Variants in CCDC57 observed in about 807,000 individuals in gnomAD.
The protein encoded by CCDC57 is coiled-coil domain containing 57.
In CCDC57, 118 loss-of-function variants were observed where a neutral mutation model predicts 118.9. The ratio of observed to expected loss-of-function variants is 0.99; its 90% CI spans 0.86 to 1.16. CCDC57 has a LOEUF of 1.16. Ranked by LOEUF, CCDC57 falls within the 50% of genes most tolerant of loss-of-function variation. The pLI is 0.00. For missense variants in CCDC57, 1,300 were observed against 1,320.7 expected, an observed-to-expected ratio of 0.98 and a Z score of 0.24; for synonymous variants, 527 against 532.9, an observed-to-expected ratio of 0.99 and a Z score of 0.15.
At chr17:82,196,259 A>AT (rs780986401) in intron 4 of CCDC57, among the ~76,000 whole-genome samples, 20 of 152,246 alleles carry the variant, frequency 1.3e-4, no homozygotes, top group Non-Finnish European at 1.3e-4. Context: ...ACTACTTAGA[A>AT]AAGTCACCAC....
exon 20 of CCDC57, chr17:82,101,604 C>A (rs144548388): frequency 3.2e-5 from 40 of 1,255,752 alleles, no homozygotes; most frequent in East Asian, 9.6e-5. Flanking sequence ...CACACCCCCC[C>A]ACAACACGTA....
Position 82,192,566 on chromosome 17 carries a change from A to G in CCDC57, c.851+1190T>C, listed in dbSNP as rs2047802409. Among the ~76,000 whole-genome samples, 3 of 152,220 alleles carry G rather than the reference A, an allele frequency of 2.0e-5. No homozygotes were observed. Among genetic ancestry groups the G allele is most frequent in the Admixed American group, 1.3e-4 (2 of 15,286 alleles). On this transcript the variant is annotated intron_variant, in intron 7 of 19. Coordinates refer to ENST00000665763, the Ensembl canonical transcript of CCDC57. The surrounding 1 kb of genome is among the most constrained non-coding windows in gnomAD (Gnocchi z 4.0). ...GAAACAGTGTTTGTCCAGCTTCATC[A>G]TGGCCACACGGTGCAGCTAAGCAAG...
At chr17:82,178,445 G>T in intron 11 of CCDC57, 29 bp downstream of exon 10, 1 of 1,570,458 alleles carries the variant, frequency 6.4e-7, no homozygotes, top group Non-Finnish European at 8.6e-7. Flanking sequence ...GTTGAGCAAA[G>T]TTTCAAAGAG....
At chr17:82,140,940 G>T (rs1466140438) in intron 16 of CCDC57, among the ~76,000 whole-genome samples, 2 of 151,810 alleles carry the variant, frequency 1.3e-5, no homozygotes, top group African/African-American at 4.8e-5. Context: ...TCTTGGCTTG[G>T]TTTTCTAGCC....
At chr17:82,175,421 A>C (rs1236715772) in intron 11 of CCDC57, 1 of 152,298 alleles carries the variant, frequency 6.6e-6, no homozygotes, top group Admixed American at 6.5e-5. Context: ...GGGAGAAGTC[A>C]AGCTGGGAAC....
chr17:82,201,989 G>C (rs546871557), intron 2 of CCDC57, 37 bp from the exon 2 acceptor site: 1 of 1,508,908 alleles, frequency 6.6e-7, no homozygotes, highest in South Asian at 1.3e-5. Context: ...GGTGCACCGT[G>C]AGGGGCCCTA....
chr17:82,186,537 C>T (rs1056545047), intron 8 of CCDC57, among the ~76,000 whole-genome samples: 2 of 152,174 alleles, frequency 1.3e-5, no homozygotes, highest in East Asian at 1.9e-4. Context: ...TCTGACTGAT[C>T]AAACAACAAC....
intron 8 of CCDC57, among the ~76,000 whole-genome samples, chr17:82,187,212 C>T (rs1218124192): frequency 7.5e-5 from 9 of 120,424 alleles, no homozygotes; most frequent in African/African-American, 3.3e-5. Flanking sequence ...ACTCCAGCCT[C>T]GGTAACAGAG....
intron 15 of CCDC57, chr17:82,155,891 C>A (rs921571067): frequency 3.3e-5 from 5 of 152,214 alleles, no homozygotes; most frequent in African/African-American, 1.2e-4. Context: ...CGCCTCCATG[C>A]ATGTAGACAC....
chr17:82,125,198 G>A (rs1287344110), intron 19 of CCDC57, among the ~76,000 whole-genome samples: 1 of 152,092 alleles, frequency 6.6e-6, no homozygotes, highest in East Asian at 1.9e-4. Context: ...GTGTTTGTGG[G>A]GAGGGGCTGG....
At chr17:82,181,736 T>C (rs1166016225) in intron 9 of CCDC57, among the ~76,000 whole-genome samples, 1 of 152,240 alleles carries the variant, frequency 6.6e-6, no homozygotes, top group Non-Finnish European at 1.5e-5. Flanking sequence ...AGAAATTAAA[T>C]GTATAAAAAA....
chr17:82,151,186 C>G lies in CCDC57; in HGVS notation c.2455+374G>C, dbSNP rs59032051. Among the ~76,000 whole-genome samples, 7 of 101,746 alleles carry G rather than the reference C, an allele frequency of 6.9e-5. 1 individual carries two copies. The highest frequency in any genetic ancestry group is 1.0e-3 in the East Asian group (2 of 1,970). 66.7% of individuals were successfully genotyped at this position (101,746 alleles called of 152,430 possible). A position where few individuals can be genotyped will look rare whatever the true frequency, so the allele number is the denominator to read the frequency against. On this transcript the variant is annotated intron_variant, in intron 16 of 19. Coordinates refer to ENST00000665763, the Ensembl canonical transcript of CCDC57. ...GCGCACACCCAGAACCAGGCGCACA[C>G]CCAGAACCAGGCGCACATCCAGAAC... is the stretch of plus-strand genomic sequence containing the variant.
intron 19 of CCDC57, among the ~76,000 whole-genome samples, chr17:82,120,905 G>A (rs1441876753): frequency 2.0e-5 from 3 of 152,090 alleles, no homozygotes; most frequent in African/African-American, 4.8e-5. Context: ...ACAGGCGTCC[G>A]CCACCACGCC....
At chr17:82,152,960 T>C (rs2042237878) in intron 15 of CCDC57, among the ~76,000 whole-genome samples, 1 of 152,150 alleles carries the variant, frequency 6.6e-6, no homozygotes. Flanking sequence ...ACAGAGAAAG[T>C]TCTATGGTGC....
chr17:82,184,035 A>T (rs879021288), intron 8 of CCDC57, 103 bp from the exon 8 acceptor site: 6 of 232,168 alleles, frequency 2.6e-5, no homozygotes, highest in East Asian at 4.1e-5. Context: ...GCGCGCGCAC[A>T]CACACACACA....
chr17:82,127,708 C>G (rs1195113165), exon 19 of CCDC57: 4 of 1,606,870 alleles, frequency 2.5e-6, no homozygotes, highest in Non-Finnish European at 3.4e-6. Flanking sequence ...TTGAGTCACC[C>G]TGGGAGGTGA....
chr17:82,193,735 G>GGGGCC, intron 7 of CCDC57, 21 bp downstream of exon 6: 1 of 1,577,852 alleles, frequency 6.3e-7, no homozygotes. Context: ...GCTGCATGAT[G>GGGGCC]TTGGGAGCCG....
chr17:82,130,816 G>T (rs2038248644), intron 17 of CCDC57, among the ~76,000 whole-genome samples: 1 of 149,280 alleles, frequency 6.7e-6, no homozygotes, highest in Non-Finnish European at 1.5e-5. Flanking sequence ...TTTTTTTTGG[G>T]GGGGTGGGGG....
At chr17:82,169,518 G>T (rs2044410675) in intron 13 of CCDC57, among the ~76,000 whole-genome samples, 3 of 152,186 alleles carry the variant, frequency 2.0e-5, no homozygotes, top group Admixed American at 1.3e-4. Flanking sequence ...TGCAGATGGG[G>T]CCTGCCTCCC....
Sources: allele counts gnomAD v4.1 joint callset (sites outside exome capture counted in the v4.1 genomes callset), GRCh38; gene constraint gnomAD v4.1.1; non-coding constraint Gnocchi (gnomAD v3.1); transcripts MANE v1.5; gene names NCBI Gene and HGNC (gene_info 2026-07-23, HGNC 2026-07-21).